The following AKNAD1 variants were observed in gnomAD, a reference collection of about 807,000 sequenced individuals.
AKNAD1 encodes the protein protein AKNAD1.
A neutral mutation model predicts 90.8 loss-of-function variants in AKNAD1; 67 were observed. The observed-to-expected ratio is 0.74, with a 90% confidence interval of 0.61 to 0.90. The LOEUF (loss-of-function observed/expected upper bound fraction) is 0.90, where lower values mean the gene tolerates loss of function less well. AKNAD1 is among the 40% of genes least tolerant of loss of function. The pLI is 0.00. For missense variants in AKNAD1, 957 were observed against 975.4 expected (o/e 0.98, Z 0.25); for synonymous variants, 327 against 341.4 (o/e 0.96, Z 0.46).
chr1:108,827,231 T>C lies in AKNAD1; in HGVS notation c.1910A>G (p.Lys637Arg). The C allele has an allele frequency of 6.2e-7, 1 of 1,611,322 alleles. No homozygotes were observed. The highest frequency in any genetic ancestry group is 8.5e-7 in the Non-Finnish European group (1 of 1,179,154). The change falls in exon 11 of 16, where the codon AAG becomes AGG. Residue 637 changes from lysine to arginine, a missense_variant. Transcript: ENST00000370001. ...CGRFSIVLHE[K>R]APHSDSTPNS... ...GGGAGTTGAATCTGAGTGTGGTGCC[T>C]TTTCATGAAGGACAATTGAAAATCT...
Position 108,820,622 on chromosome 1 carries a change from A to C in AKNAD1, c.2172T>G (p.Phe724Leu), listed in dbSNP as rs1432028574. The C allele has an allele frequency of 1.9e-6, 3 of 1,600,220 alleles. No homozygotes were observed. The highest frequency in any genetic ancestry group is 2.6e-6 in the Non-Finnish European group (3 of 1,169,618). ...LDESKNSSPS[F>L]LKPKRICSQR... ...GAGAACAGATCCGTTTGGGTTTTAA[A>C]AAAGCTGAAAAATGTTAGCTATCAT... is the stretch of plus-strand genomic sequence containing the variant. The change falls in exon 14 of 16, where the codon TTT (phenylalanine) becomes TTG (leucine). Residue 724 changes from phenylalanine (F) to leucine (L), a missense_variant. Phe to Leu is a conservative substitution (Grantham distance 22, BLOSUM62 0). Transcript: ENST00000370001.
chr1:108,839,183 C>T (rs994157448), intron 6 of AKNAD1, among the ~76,000 whole-genome samples: 1 of 152,054 alleles, frequency 6.6e-6, no homozygotes, highest in Non-Finnish European at 1.5e-5. Flanking sequence ...TTAGACTCTT[C>T]CAGAACATGA....
chr1:108,847,311 G>A (rs774766103), intron 5 of AKNAD1, among the ~76,000 whole-genome samples: 3 of 151,936 alleles, frequency 2.0e-5, no homozygotes, highest in East Asian at 1.9e-4. Flanking sequence ...AGCCAGGCAC[G>A]GTGGTGCACA....
At chr1:108,830,391 G>C (rs1258862914) in intron 10 of AKNAD1, among the ~76,000 whole-genome samples, 168 bp downstream of exon 10, 1 of 152,216 alleles carries the variant, frequency 6.6e-6, no homozygotes, top group Non-Finnish European at 1.5e-5. Context: ...ACCACTGCTA[G>C]AGGATCTGTA....
chr1:108,828,315 C>T lies in AKNAD1; in HGVS notation c.1839-1013G>A, dbSNP rs552264705. Among the ~76,000 whole-genome samples, 3 of 151,814 alleles carry T rather than the reference C, an allele frequency of 2.0e-5. No individual in the cohort carries two copies. In the South Asian group the frequency reaches 6.3e-4, roughly 32 times the overall value. ...GCCACCAGGTGGCGTCAGAAAGAAGCAACTGCAATGGACATTGTTCAGGAG... is the reference window on the plus strand; with the variant it reads ...GCCACCAGGTGGCGTCAGAAAGAAGTAACTGCAATGGACATTGTTCAGGAG... On this transcript the variant is annotated intron_variant, in intron 10 of 15. Transcript: ENST00000370001.
At chr1:108,827,116 G>A in intron 11 of AKNAD1, 89 bp downstream of exon 11, 1 of 858,718 alleles carries the variant, frequency 1.2e-6, no homozygotes, top group South Asian at 1.4e-5. Context: ...CTCTTGGAGT[G>A]GCAGATGGCA....
At chr1:108,840,634 T>C (rs574470306) in intron 6 of AKNAD1, among the ~76,000 whole-genome samples, 1 of 152,284 alleles carries the variant, frequency 6.6e-6, no homozygotes, top group East Asian at 1.9e-4. Context: ...GTGGATAATG[T>C]AGAAATAGAC....
intron 14 of AKNAD1, among the ~76,000 whole-genome samples, chr1:108,819,441 G>C (rs1663738850): frequency 7.0e-6 from 1 of 142,896 alleles, no homozygotes; most frequent in Non-Finnish European, 1.5e-5. Flanking sequence ...AACATAGTAA[G>C]ACCCCATCTC....
intron 1 of AKNAD1, among the ~76,000 whole-genome samples, chr1:108,853,336 T>C (rs1192524808): frequency 1.3e-5 from 2 of 151,894 alleles, no homozygotes; most frequent in Admixed American, 6.5e-5. Context: ...TTTCACCATA[T>C]TAGCCAGGAT....
chr1:108,816,785 C>T (rs1663625074), intron 15 of AKNAD1: 1 of 414,462 alleles, frequency 2.4e-6, no homozygotes, highest in African/African-American at 2.0e-5. Context: ...CTTCAACCCC[C>T]GGCCAGGGAA....
At chr1:108,855,393 T>C (rs35195233) in intron 1 of AKNAD1, among the ~76,000 whole-genome samples, 20,533 of 149,182 alleles carry the variant, frequency 0.14, 1,464 homozygotes, top group Middle Eastern at 0.16. Context: ...AGCCTGGCGA[T>C]AGAGTGAAAC....
intron 6 of AKNAD1, among the ~76,000 whole-genome samples, chr1:108,838,848 G>A (rs972706175): frequency 1.3e-5 from 2 of 151,952 alleles, no homozygotes; most frequent in African/African-American, 2.4e-5. Context: ...TTTTAAAAAA[G>A]TAGAAAATAT....
chr1:108,820,292 CA>C (rs1384245531), intron 14 of AKNAD1, among the ~76,000 whole-genome samples: 2 of 152,166 alleles, frequency 1.3e-5, no homozygotes, highest in Non-Finnish European at 2.9e-5. Context: ...GCTTCTCTGC[CA>C]AAAAAGTAAG....
At chr1:108,817,432 G>T in intron 14 of AKNAD1, 2 of 249,976 alleles carry the variant, frequency 8.0e-6, no homozygotes, top group East Asian at 7.6e-5. Context: ...AAAGAGGCAA[G>T]ACTCTAAACA....
At chr1:108,855,282 G>A (rs547081709) in intron 1 of AKNAD1, among the ~76,000 whole-genome samples, 10 of 152,168 alleles carry the variant, frequency 6.6e-5, no homozygotes, top group South Asian at 2.1e-4. Context: ...GCGTGGTGGC[G>A]CACACCTGTA....
chr1:108,847,162 T>A lies in AKNAD1; in HGVS notation c.1245+1590A>T, dbSNP rs143568059. On this transcript the variant is annotated intron_variant, in intron 5 of 15. Coordinates refer to ENST00000370001, the MANE Select transcript of AKNAD1 (RefSeq NM_152763.5). ...CATTTGTCAGCTTGAAAACCTTCAA[T>A]GCAGCCAGGTGCAGCGGCTCATGCC... is the stretch of plus-strand genomic sequence containing the variant. 1.2e-4 allele frequency among the ~76,000 whole-genome samples: 18 copies of A among 152,162 alleles called. No homozygotes were observed. The East Asian group carries it at 3.5e-3, about 30-fold the overall frequency.
At chr1:108,830,063 A>G (rs1222809606) in intron 10 of AKNAD1, among the ~76,000 whole-genome samples, 1 of 152,110 alleles carries the variant, frequency 6.6e-6, no homozygotes, top group African/African-American at 2.4e-5. Flanking sequence ...TGTTCCTGGG[A>G]CTGGGGGGCT....
intron 1 of AKNAD1, 89 bp from the exon 2 acceptor site, chr1:108,852,856 G>A: frequency 2.1e-6 from 1 of 471,298 alleles, no homozygotes; most frequent in Admixed American, 4.0e-5. Flanking sequence ...TTTTTAATTT[G>A]AAAAATTCAG....
At chr1:108,833,917 C>A (rs6683747) in intron 9 of AKNAD1, among the ~76,000 whole-genome samples, 23,320 of 151,834 alleles carry the variant, frequency 0.15, 2,105 homozygotes, top group African/African-American at 0.25. Flanking sequence ...TGCAAAAAGT[C>A]TTTGCAAACT....
Sources: allele counts gnomAD v4.1 joint callset (sites outside exome capture counted in the v4.1 genomes callset), GRCh38; gene constraint gnomAD v4.1.1; transcripts MANE v1.5; gene names NCBI Gene and HGNC (gene_info 2026-07-23, HGNC 2026-07-21).